Variants in CDH13 observed in about 807,000 individuals in gnomAD.
CDH13 encodes cadherin 13, also known as cadherin-13.
CDH13 carries 24 observed loss-of-function variants against 63.8 expected under a neutral mutation model. That is an observed-to-expected ratio of 0.38 (90% CI 0.27 to 0.53). The LOEUF is 0.53. CDH13 is among the 20% of genes least tolerant of loss of function. The probability of loss-of-function intolerance (pLI) is 0.85; values close to 1 mark genes in which losing one functional copy is unlikely to be tolerated. For missense variants in CDH13, 1,049 were observed against 903.1 expected (o/e 1.16, Z -2.07); for synonymous variants, 503 against 355.3 (o/e 1.42, Z -4.67).
intron 6 of CDH13, among the ~76,000 whole-genome samples, chr16:83,407,793 T>A (rs937348871): frequency 2.0e-5 from 3 of 152,222 alleles, no homozygotes; most frequent in Admixed American, 1.3e-4. Context: ...CTTTCCAGCA[T>A]TGCGCATTAG....
chr16:82,759,772 G>A (rs2034759336), intron 1 of CDH13, among the ~76,000 whole-genome samples: 1 of 151,958 alleles, frequency 6.6e-6, no homozygotes, highest in South Asian at 2.1e-4. Flanking sequence ...TCTGCCTCTT[G>A]ACTCACTTGC....
At chr16:82,961,256 A>C (rs879827616) in intron 2 of CDH13, among the ~76,000 whole-genome samples, 7 of 152,172 alleles carry the variant, frequency 4.6e-5, no homozygotes, top group Non-Finnish European at 1.0e-4. Flanking sequence ...GCCAGGCCTA[A>C]AACCCCGGCC....
At chr16:83,185,995 G>C (rs1381152766) in intron 4 of CDH13, among the ~76,000 whole-genome samples, 3 of 152,042 alleles carry the variant, frequency 2.0e-5, no homozygotes, top group Admixed American at 6.6e-5. Flanking sequence ...TTATACCTTA[G>C]AGGAGATATT....
At chr16:83,062,035 A>C (rs538416333) in intron 3 of CDH13, among the ~76,000 whole-genome samples, 5 of 152,218 alleles carry the variant, frequency 3.3e-5, no homozygotes, top group Admixed American at 2.0e-4. Flanking sequence ...GTATTTTAGC[A>C]AAACGGATGC....
At chr16:83,016,360 A>G (rs1001625253) in intron 2 of CDH13, among the ~76,000 whole-genome samples, 1 of 152,222 alleles carries the variant, frequency 6.6e-6, no homozygotes, top group African/African-American at 2.4e-5. Flanking sequence ...GAGGAGGTAA[A>G]TGAATTAATT....
intron 1 of CDH13, among the ~76,000 whole-genome samples, chr16:82,677,284 C>A (rs1255680397): frequency 6.6e-6 from 1 of 152,176 alleles, no homozygotes; most frequent in African/African-American, 2.4e-5. Context: ...GGAAACATCA[C>A]CCCTCAGTCT....
intron 1 of CDH13, among the ~76,000 whole-genome samples, chr16:82,803,930 C>G (rs1459631200): frequency 2.0e-5 from 3 of 152,074 alleles, no homozygotes; most frequent in African/African-American, 7.2e-5. Flanking sequence ...GTAATGTGCA[C>G]TTAAAAATGT....
intron 6 of CDH13, among the ~76,000 whole-genome samples, chr16:83,398,855 A>G (rs1018979301): frequency 2.6e-5 from 4 of 152,246 alleles, no homozygotes; most frequent in Non-Finnish European, 4.4e-5. Flanking sequence ...CCAGATGCAT[A>G]GCTCTTCTAC....
At chr16:83,432,737 G>A (rs902112599) in intron 6 of CDH13, among the ~76,000 whole-genome samples, 8 of 152,124 alleles carry the variant, frequency 5.3e-5, no homozygotes, top group African/African-American at 1.4e-4. Flanking sequence ...GAGTTGGATG[G>A]CACAGGCAGC....
At chr16:82,723,535 A>G (rs1426377898) in intron 1 of CDH13, among the ~76,000 whole-genome samples, 2 of 152,112 alleles carry the variant, frequency 1.3e-5, no homozygotes, top group Admixed American at 6.5e-5. Flanking sequence ...AATTTGCCCT[A>G]TTCCTCTGTC....
At chr16:82,984,985 C>G (rs536623367) in intron 2 of CDH13, among the ~76,000 whole-genome samples, 2 of 152,262 alleles carry the variant, frequency 1.3e-5, no homozygotes, top group South Asian at 2.1e-4. Flanking sequence ...TGTCTTCATG[C>G]CCTCTCCTTT....
rs111586960 is a variant in CDH13, at chr16:83,756,990, C to A, written c.1681+8740C>A. On this transcript the variant is annotated intron_variant, in intron 11 of 13. Coordinates refer to ENST00000567109, the MANE Select transcript of CDH13 (RefSeq NM_001257.5). ...AACTGAGTTCATTCTTTTCAAATTC[C>A]CAAGGAAAATTACCTAAATTGTTTG... is the stretch of plus-strand genomic sequence containing the variant. 6.1e-4 allele frequency among the ~76,000 whole-genome samples: 93 copies of A among 152,224 alleles called. 1 individual carries two copies. The highest frequency in any genetic ancestry group is 2.1e-3 in the African/African-American group (86 of 41,544).
At chr16:82,688,883 T>G (rs1320506174) in intron 1 of CDH13, 2 of 152,188 alleles carry the variant, frequency 1.3e-5, no homozygotes, top group South Asian at 2.1e-4. Flanking sequence ...ATTTGCTTCT[T>G]GGAAAAGGGA....
chr16:82,671,629 C>T (rs1034990459), intron 1 of CDH13, among the ~76,000 whole-genome samples: 1 of 152,158 alleles, frequency 6.6e-6, no homozygotes, highest in Admixed American at 6.5e-5. Context: ...AGAGCATAGG[C>T]CACCCCAGTC....
chr16:82,763,031 C>T (rs1163377483), intron 1 of CDH13, among the ~76,000 whole-genome samples: 1 of 152,102 alleles, frequency 6.6e-6, no homozygotes, highest in African/African-American at 2.4e-5. Flanking sequence ...ACCAGCAGTA[C>T]CTTGACATTT....
intron 7 of CDH13, among the ~76,000 whole-genome samples, chr16:83,531,942 C>A (rs563535779): frequency 6.6e-6 from 1 of 152,292 alleles, no homozygotes; most frequent in Admixed American, 6.5e-5. Context: ...CAAATCTCAT[C>A]TTTAATTTTA....
chr16:83,019,142 C>T (rs1915096993), intron 2 of CDH13, among the ~76,000 whole-genome samples: 1 of 152,184 alleles, frequency 6.6e-6, no homozygotes, highest in South Asian at 2.1e-4. Flanking sequence ...AATTTTTTAA[C>T]TTTTTGGCTC....
chr16:83,701,745 A>G (rs1042693770), intron 10 of CDH13, among the ~76,000 whole-genome samples: 1 of 152,020 alleles, frequency 6.6e-6, no homozygotes, highest in East Asian at 1.9e-4. Context: ...GCACCCACCA[A>G]TTGCCCAGCA....
chr16:83,199,396 T>C (rs10514589), intron 4 of CDH13, among the ~76,000 whole-genome samples: 5,118 of 152,286 alleles, frequency 0.034, 271 homozygotes, highest in African/African-American at 0.12. Flanking sequence ...TTTGGATTGA[T>C]CTGGATGATT....
Sources: allele counts gnomAD v4.1 joint callset (sites outside exome capture counted in the v4.1 genomes callset), GRCh38; gene constraint gnomAD v4.1.1; transcripts MANE v1.5; gene names NCBI Gene and HGNC (gene_info 2026-07-23, HGNC 2026-07-21).